Variants in KIF6 observed in about 807,000 individuals in gnomAD.
KIF6 encodes kinesin family member 6.
In KIF6, 106 loss-of-function variants were observed where a neutral mutation model predicts 112.7. That is an observed-to-expected ratio of 0.94 (90% confidence interval 0.80 to 1.11). KIF6 has a LOEUF of 1.11. KIF6 is among the 50% of genes least tolerant of loss of function. The pLI, the probability that KIF6 is intolerant of heterozygous loss-of-function variation, is 0.00. For missense variants in KIF6, 929 were observed against 964.0 expected (o/e 0.96, Z 0.48); for synonymous variants, 339 against 339.9 (o/e 1.00, Z 0.03).
intron 10 of KIF6, among the ~76,000 whole-genome samples, chr6:39,559,704 G>A (rs994294660): frequency 3.3e-5 from 5 of 151,912 alleles, no homozygotes; most frequent in African/African-American, 1.2e-4. Flanking sequence ...AGCGTTTATT[G>A]ACTGCCTATT....
intron 13 of KIF6, among the ~76,000 whole-genome samples, chr6:39,538,324 G>A (rs1241311926): frequency 4.4e-4 from 66 of 151,310 alleles, no homozygotes; most frequent in Middle Eastern, 3.4e-3. Context: ...TCATCTGACA[G>A]AGGGCTAATA....
chr6:39,511,922 C>T (rs1264594882), intron 13 of KIF6, among the ~76,000 whole-genome samples: 3 of 152,142 alleles, frequency 2.0e-5, no homozygotes, highest in Non-Finnish European at 4.4e-5. Context: ...GGGAGGGGAA[C>T]ATCCCACACC....
intron 13 of KIF6, among the ~76,000 whole-genome samples, chr6:39,502,103 C>T (rs1035864097): frequency 6.6e-6 from 1 of 152,010 alleles, no homozygotes; most frequent in Non-Finnish European, 1.5e-5. Flanking sequence ...GCCAGGTCAC[C>T]TACAAAGGGA....
At chr6:39,366,329 G>T (rs938639269) in intron 16 of KIF6, among the ~76,000 whole-genome samples, 3 of 152,178 alleles carry the variant, frequency 2.0e-5, no homozygotes, top group Non-Finnish European at 4.4e-5. Flanking sequence ...CCAAATAGCA[G>T]CGCCAGGCTT....
intron 16 of KIF6, among the ~76,000 whole-genome samples, chr6:39,380,773 C>T (rs1027794099): frequency 1.3e-5 from 2 of 152,168 alleles, no homozygotes; most frequent in Non-Finnish European, 2.9e-5. Context: ...CGCAGCACCT[C>T]GTCACACAGT....
chr6:39,525,892 T>G (rs1777696320), intron 13 of KIF6, among the ~76,000 whole-genome samples: 1 of 152,154 alleles, frequency 6.6e-6, no homozygotes. Context: ...AAAATGGGCA[T>G]GTGATTCCCC....
intron 5 of KIF6, among the ~76,000 whole-genome samples, chr6:39,634,355 A>C (rs987281721): frequency 6.6e-6 from 1 of 152,190 alleles, no homozygotes; most frequent in African/African-American, 2.4e-5. Flanking sequence ...TGAAACAATC[A>C]GTGCCAATCT....
chr6:39,391,008 A>G (rs571983885), intron 15 of KIF6, among the ~76,000 whole-genome samples: 4 of 152,214 alleles, frequency 2.6e-5, no homozygotes, highest in Admixed American at 2.0e-4. Context: ...AATCAGACAT[A>G]TTCATGTCCC....
At chr6:39,406,078 A>T (rs569111385) in intron 15 of KIF6, among the ~76,000 whole-genome samples, 1 of 152,118 alleles carries the variant, frequency 6.6e-6, no homozygotes, top group South Asian at 2.1e-4. Context: ...GCTGGAGTGC[A>T]GTGGTGCGAT....
At chr6:39,341,963 A>G (rs1226366926) in intron 22 of KIF6, among the ~76,000 whole-genome samples, 1 of 152,226 alleles carries the variant, frequency 6.6e-6, no homozygotes, top group Non-Finnish European at 1.5e-5. Context: ...CAATCACATC[A>G]TATCACTCCA....
intron 10 of KIF6, among the ~76,000 whole-genome samples, chr6:39,546,094 T>A (rs924956648): frequency 6.6e-6 from 1 of 152,198 alleles, no homozygotes; most frequent in Non-Finnish European, 1.5e-5. Context: ...CACTATTTTT[T>A]TAATCATTCC....
At chr6:39,442,136 G>A (rs1209264871) in intron 13 of KIF6, among the ~76,000 whole-genome samples, 2 of 152,186 alleles carry the variant, frequency 1.3e-5, no homozygotes, top group African/African-American at 4.8e-5. Context: ...CGGGCTGGGT[G>A]GAATAAAGGG....
intron 3 of KIF6, among the ~76,000 whole-genome samples, chr6:39,661,689 A>G (rs1041165752): frequency 2.6e-5 from 4 of 152,192 alleles, no homozygotes; most frequent in African/African-American, 7.2e-5. Flanking sequence ...TACAAGAAGG[A>G]ACAGAGCCTT....
chr6:39,621,253 G>C (rs1490787427), intron 5 of KIF6, among the ~76,000 whole-genome samples: 2 of 149,458 alleles, frequency 1.3e-5, no homozygotes, highest in African/African-American at 5.0e-5. Flanking sequence ...ATCTTTAACT[G>C]TATCAATATA....
intron 15 of KIF6, among the ~76,000 whole-genome samples, chr6:39,403,860 T>C (rs1308081640): frequency 6.6e-6 from 1 of 152,244 alleles, no homozygotes; most frequent in African/African-American, 2.4e-5. Flanking sequence ...CAAATGGTCA[T>C]ATCTCATCAT....
chr6:39,538,838 C>T (rs1778605794), intron 13 of KIF6, among the ~76,000 whole-genome samples: 1 of 148,730 alleles, frequency 6.7e-6, no homozygotes, highest in African/African-American at 2.5e-5. Flanking sequence ...CAATGATAGA[C>T]TGGATTAAGA....
At chr6:39,385,709 C>T (rs773046359) in intron 15 of KIF6, 37 bp from the exon 16 acceptor site, 2 of 1,472,698 alleles carry the variant, frequency 1.4e-6, no homozygotes, top group South Asian at 2.3e-5. Context: ...CAGTGGGTTT[C>T]CAATGGGCTG....
chr6:39,601,721 C>CGG (rs1782583304), intron 6 of KIF6, among the ~76,000 whole-genome samples: 1 of 151,238 alleles, frequency 6.6e-6, no homozygotes, highest in Non-Finnish European at 1.5e-5. Context: ...GACACACACA[C>CGG]ACACACACAC....
chr6:39,674,070 C>T lies in KIF6; in HGVS notation c.252-34313G>A, dbSNP rs530695195. ...GAATTTTGAGAAAAATAAAATTAAC[C>T]AAGGGGGAAAATAGAATAGGAATAA... On this transcript the variant is annotated intron_variant, in intron 3 of 22. Transcript: ENST00000287152. Among the ~76,000 whole-genome samples the T allele has an allele frequency of 2.6e-5, 4 of 151,686 alleles. No homozygotes were observed. The South Asian group carries it at 8.4e-4, about 32-fold the overall frequency.
Sources: gnomAD v4.1 joint callset for allele counts (sites outside exome capture counted in the v4.1 genomes callset) on GRCh38, gnomAD v4.1.1 for gene constraint, MANE v1.5 for transcripts, NCBI Gene and HGNC (gene_info 2026-07-23, HGNC 2026-07-21) for gene names.